Variants in SLC25A21 observed in about 807,000 individuals in gnomAD.
SLC25A21 encodes the protein mitochondrial 2-oxodicarboxylate carrier.
Under a neutral mutation model 43.8 loss-of-function variants are expected in SLC25A21, and 47 were observed. The ratio of observed to expected loss-of-function variants is 1.07; its 90% CI spans 0.85 to 1.37. The LOEUF is 1.37. Ranked by LOEUF, SLC25A21 falls within the 40% of genes most tolerant of loss-of-function variation. The pLI, the probability that SLC25A21 is intolerant of heterozygous loss-of-function variation, is 0.00. For synonymous variants in SLC25A21, 131 were observed against 121.3 expected (o/e 1.08, Z -0.52); for missense variants, 352 against 350.2 (o/e 1.00, Z -0.04).
intron 1 of SLC25A21, among the ~76,000 whole-genome samples, chr14:37,088,633 A>G (rs1047895480): frequency 6.6e-6 from 1 of 152,238 alleles, no homozygotes; most frequent in Non-Finnish European, 1.5e-5. Context: ...AAGCAAAGTC[A>G]ACTGTCTTTA....
chr14:37,040,427 G>C (rs1961443972), intron 1 of SLC25A21, among the ~76,000 whole-genome samples: 1 of 101,124 alleles, frequency 9.9e-6, no homozygotes, highest in Admixed American at 8.4e-5. Flanking sequence ...AAGAAAGAAA[G>C]AAAGAAAGAA....
intron 1 of SLC25A21, among the ~76,000 whole-genome samples, chr14:36,933,407 C>T (rs1892342288): frequency 6.6e-6 from 1 of 152,118 alleles, no homozygotes; most frequent in African/African-American, 2.4e-5. Flanking sequence ...GACATTTCCA[C>T]CACCGGGATA....
At chr14:37,037,111 G>A (rs984116869) in intron 1 of SLC25A21, among the ~76,000 whole-genome samples, 2 of 152,190 alleles carry the variant, frequency 1.3e-5, no homozygotes, top group East Asian at 1.9e-4. Flanking sequence ...AGGCTGGGGC[G>A]GGTGTGGGGG....
intron 3 of SLC25A21, chr14:36,788,588 G>A (rs957782325): frequency 5.4e-5 from 8 of 148,516 alleles, no homozygotes; most frequent in Non-Finnish European, 1.0e-4. Context: ...AGATCTGTGT[G>A]TGTTGAAAAA....
chr14:36,930,401 G>C (rs1176779762), intron 1 of SLC25A21, among the ~76,000 whole-genome samples: 1 of 152,078 alleles, frequency 6.6e-6, no homozygotes, highest in African/African-American at 2.4e-5. Flanking sequence ...AGTAATCTGG[G>C]AGTCATGGTA....
At chr14:36,884,911 C>A (rs1890870155) in intron 1 of SLC25A21, among the ~76,000 whole-genome samples, 1 of 152,050 alleles carries the variant, frequency 6.6e-6, no homozygotes, top group South Asian at 2.1e-4. Context: ...TTCTCCGAAC[C>A]CATGGGTTGT....
intron 2 of SLC25A21, among the ~76,000 whole-genome samples, chr14:36,871,802 T>A (rs4906468): frequency 0.44 from 66,917 of 151,774 alleles, 16,102 homozygotes; most frequent in Non-Finnish European, 0.52. Flanking sequence ...CAATTTTTTT[T>A]AATTGGATTT....
intron 1 of SLC25A21, among the ~76,000 whole-genome samples, chr14:37,050,382 A>G (rs1216263740): frequency 1.3e-5 from 2 of 152,234 alleles, no homozygotes; most frequent in Non-Finnish European, 2.9e-5. Flanking sequence ...TGTATACAGT[A>G]AGTAACTCAA....
intron 1 of SLC25A21, among the ~76,000 whole-genome samples, chr14:37,058,743 A>G (rs1961883319): frequency 6.6e-6 from 1 of 152,230 alleles, no homozygotes; most frequent in Non-Finnish European, 1.5e-5. Context: ...GGGATGGCCT[A>G]TAACATTTGT....
chr14:36,759,005 C>T (rs1205023635), intron 3 of SLC25A21, among the ~76,000 whole-genome samples: 3 of 152,186 alleles, frequency 2.0e-5, no homozygotes, highest in Non-Finnish European at 4.4e-5. Context: ...TGGGCATTTT[C>T]GTTATTCAGC....
At chr14:36,950,821 C>G (rs1429844) in intron 1 of SLC25A21, among the ~76,000 whole-genome samples, 10,375 of 152,210 alleles carry the variant, frequency 0.068, 506 homozygotes, top group Middle Eastern at 0.16. Context: ...TCTTATTGCA[C>G]GGGAATACTC....
In SLC25A21 at chr14:36,917,349, C is replaced by T. The variant is rs538037710; in HGVS notation, c.71-42345G>A. On this transcript the variant is annotated intron_variant, in intron 1 of 9. Transcript: ENST00000331299. Reference sequence around the variant, plus strand: ...TATCTGACCCTGGCCCTCTGGACAACAGGGTTGAAATGGCCATGTTTCTTA... The same window carrying T: ...TATCTGACCCTGGCCCTCTGGACAATAGGGTTGAAATGGCCATGTTTCTTA... Among the ~76,000 whole-genome samples, 43 of 152,212 alleles carry T rather than the reference C, an allele frequency of 2.8e-4. 1 individual carries two copies. Among genetic ancestry groups the T allele is most frequent in the Admixed American group, 7.9e-4 (12 of 15,268 alleles).
intron 1 of SLC25A21, among the ~76,000 whole-genome samples, chr14:36,994,118 T>C (rs545555650): frequency 6.6e-6 from 1 of 152,302 alleles, no homozygotes; most frequent in East Asian, 1.9e-4. Context: ...ATCTCAAGTA[T>C]ACTCTGAGTG....
At chr14:36,687,250 G>A (rs1248899119) in intron 7 of SLC25A21, among the ~76,000 whole-genome samples, 1 of 152,104 alleles carries the variant, frequency 6.6e-6, no homozygotes, top group Non-Finnish European at 1.5e-5. Context: ...ACCGTGCCCG[G>A]CCCACCTTTG....
At chr14:36,991,212 C>A (rs776330727) in intron 1 of SLC25A21, among the ~76,000 whole-genome samples, 25 of 152,262 alleles carry the variant, frequency 1.6e-4, no homozygotes, top group Non-Finnish European at 3.1e-4. Flanking sequence ...AGCTGTTGAC[C>A]ACAGTGGATT....
intron 1 of SLC25A21, among the ~76,000 whole-genome samples, chr14:37,022,071 G>A (rs189075270): frequency 6.6e-6 from 1 of 151,258 alleles, no homozygotes; most frequent in African/African-American, 2.4e-5. Flanking sequence ...TTTTTCCTAC[G>A]AGGATTCATA....
intron 1 of SLC25A21, among the ~76,000 whole-genome samples, chr14:36,910,078 G>T (rs575306540): frequency 6.6e-6 from 1 of 152,102 alleles, no homozygotes; most frequent in African/African-American, 2.4e-5. Context: ...ACTGTCAAAT[G>T]CTCTTATTTG....
At chr14:37,008,272 A>G (rs1365027681) in intron 1 of SLC25A21, among the ~76,000 whole-genome samples, 1 of 152,172 alleles carries the variant, frequency 6.6e-6, no homozygotes, top group African/African-American at 2.4e-5. Flanking sequence ...ATGTCACCGC[A>G]TGTATTCTTT....
chr14:36,690,591 T>C (rs926645436), intron 7 of SLC25A21, among the ~76,000 whole-genome samples: 5 of 152,208 alleles, frequency 3.3e-5, no homozygotes, highest in African/African-American at 1.2e-4. Context: ...TGTCCATTCC[T>C]ACACTGGGTG....
Sources: allele counts gnomAD v4.1 joint callset (sites outside exome capture counted in the v4.1 genomes callset), GRCh38; gene constraint gnomAD v4.1.1; transcripts MANE v1.5; gene names NCBI Gene and HGNC (gene_info 2026-07-23, HGNC 2026-07-21).